ITGA8: variants seen among roughly 807,000 people sequenced by gnomAD.
ITGA8 encodes integrin subunit alpha 8, also known as integrin alpha-8.
Under a neutral mutation model 142.3 loss-of-function variants are expected in ITGA8, and 91 were observed. That is an observed-to-expected ratio of 0.64 (90% CI 0.54 to 0.76). The LOEUF (loss-of-function observed/expected upper bound fraction) is 0.76, where lower values mean the gene tolerates loss of function less well. Among genes scored for constraint, ITGA8 ranks in the 30% least tolerant of loss-of-function variants. The pLI is 0.00. For synonymous variants in ITGA8, 505 were observed against 485.2 expected (o/e 1.04, Z -0.54); for missense variants, 1,406 against 1,327.7 (o/e 1.06, Z -0.92).
At chr10:15,651,182 C>A (rs990727143) in intron 11 of ITGA8, among the ~76,000 whole-genome samples, 1 of 151,816 alleles carries the variant, frequency 6.6e-6, no homozygotes, top group Non-Finnish European at 1.5e-5. Flanking sequence ...TACTATAACA[C>A]TCAAAAGCCG....
intron 25 of ITGA8, among the ~76,000 whole-genome samples, chr10:15,559,130 T>C (rs1167802799): frequency 6.6e-6 from 1 of 152,206 alleles, no homozygotes; most frequent in East Asian, 1.9e-4. Flanking sequence ...CAGTATGTCA[T>C]GAAAACCTGG....
At chr10:15,517,390 T>C in intron 29 of ITGA8, 146 bp from the exon 30 acceptor site, 2 of 488,608 alleles carry the variant, frequency 4.1e-6, no homozygotes, top group Admixed American at 3.6e-5. Flanking sequence ...AGTGGCGTGA[T>C]CTTGGCTCAC....
chr10:15,584,134 T>TA (rs1272528599), intron 23 of ITGA8, among the ~76,000 whole-genome samples: 1 of 151,886 alleles, frequency 6.6e-6, no homozygotes, highest in Non-Finnish European at 1.5e-5. Flanking sequence ...CCTTCTCTAT[T>TA]AAAAATACAA....
At chr10:15,719,074 C>T (rs1835508444) in intron 1 of ITGA8, among the ~76,000 whole-genome samples, 175 bp from the exon 2 acceptor site, 2 of 152,124 alleles carry the variant, frequency 1.3e-5, no homozygotes, top group African/African-American at 4.8e-5. Context: ...GGGTCCGCAA[C>T]CTGGTTTGCA....
intron 13 of ITGA8, among the ~76,000 whole-genome samples, chr10:15,634,077 C>T (rs935356478): frequency 6.6e-6 from 1 of 152,168 alleles, no homozygotes; most frequent in Admixed American, 6.5e-5. Context: ...CTCCCTACAA[C>T]CACTCACAGT....
intron 2 of ITGA8, among the ~76,000 whole-genome samples, chr10:15,689,469 G>A (rs1159281573): frequency 6.6e-6 from 1 of 152,168 alleles, no homozygotes; most frequent in African/African-American, 2.4e-5. Context: ...ATGAGCAGGA[G>A]GCCTCCTGAG....
chr10:15,685,779 C>A (rs1457653428), intron 3 of ITGA8, among the ~76,000 whole-genome samples: 2 of 151,996 alleles, frequency 1.3e-5, no homozygotes, highest in African/African-American at 4.8e-5. Context: ...ACATTATCGG[C>A]AAAAATAAAT....
rs1033490184 is a variant in ITGA8 at position 15,666,731 on chromosome 10, G to A, written c.847+4872C>T. Among the ~76,000 whole-genome samples, 57 of 152,186 alleles carry A rather than the reference G, an allele frequency of 3.7e-4. 1 individual carries two copies. The highest frequency in any genetic ancestry group is 3.1e-4 in the Non-Finnish European group (21 of 68,006). On this transcript the variant is annotated intron_variant, in intron 8 of 29. Transcript: ENST00000378076. ...TTATTGAGAGTTTTTAGCATGAAGC[G>A]TTGTTGAATTTTGTCAAAGGCCTTT...
intron 23 of ITGA8, 94 bp from the exon 24 acceptor site, chr10:15,575,688 G>T: frequency 1.0e-6 from 1 of 990,796 alleles, no homozygotes; most frequent in Non-Finnish European, 1.6e-6. Flanking sequence ...AGAAGAAAGT[G>T]GTTTTCAATT....
At position 15,719,622 on chromosome 10, in the gene ITGA8, G is replaced by A. The variant is rs778560646; in HGVS notation, c.150C>T (p.Ser50=). The change falls in exon 1 of 30, where the codon AGC becomes AGT. Residue 50 remains serine (S), a synonymous_variant. Coordinates refer to ENST00000378076, the MANE Select transcript of ITGA8 (RefSeq NM_003638.3). ...AGCCGAAGTAGCTGCCCTTGGGGCC[G>A]CTGTACACTGTGAGCTTTTCCACGT... The part of the protein sequence containing the change: ...NLDVEKLTVY[S]GPKGSYFGYA... 3 of 1,551,826 alleles carry A rather than the reference G, an allele frequency of 1.9e-6. No individual in the cohort carries two copies. The highest frequency in any genetic ancestry group is 2.4e-5 in the South Asian group (2 of 82,674).
chr10:15,532,930 T>C (rs1386695228), intron 27 of ITGA8, among the ~76,000 whole-genome samples: 1 of 152,236 alleles, frequency 6.6e-6, no homozygotes, highest in Non-Finnish European at 1.5e-5. Flanking sequence ...ACTGTATCTG[T>C]AAGAGGAAAC....
intron 25 of ITGA8, among the ~76,000 whole-genome samples, chr10:15,563,995 G>T (rs571429030): frequency 6.6e-6 from 1 of 152,106 alleles, no homozygotes; most frequent in East Asian, 1.9e-4. Flanking sequence ...GATGTATCTT[G>T]TGTACAAATA....
At chr10:15,705,812 T>C (rs1312974138) in intron 2 of ITGA8, among the ~76,000 whole-genome samples, 1 of 152,220 alleles carries the variant, frequency 6.6e-6, no homozygotes, top group East Asian at 1.9e-4. Flanking sequence ...AGACTTTCTT[T>C]ATTGGCTTCA....
chr10:15,671,787 A>G (rs750775581), intron 7 of ITGA8, 140 bp from the exon 8 acceptor site: 37 of 626,834 alleles, frequency 5.9e-5, no homozygotes, highest in Admixed American at 1.8e-4. Flanking sequence ...TAAAGATTCT[A>G]TAAAGGGAAA....
chr10:15,659,059 A>G lies in ITGA8; in HGVS notation c.892-4T>C. 1 of 1,601,466 alleles carries G rather than the reference A, an allele frequency of 6.2e-7. No individual in the cohort carries two copies. On this transcript the variant is annotated splice_region_variant and splice_polypyrimidine_tract_variant and intron_variant, in intron 9 of 29. Coordinates refer to ENST00000378076, the MANE Select transcript of ITGA8 (RefSeq NM_003638.3). ...CCGTAGAGTTAATGATGGAAACCTG[A>G]AATCACAGAAATTAAACAGGTTACA...
chr10:15,628,330 T>G (rs1363357429), intron 13 of ITGA8, among the ~76,000 whole-genome samples: 1 of 118,058 alleles, frequency 8.5e-6, no homozygotes, highest in South Asian at 3.4e-4. Flanking sequence ...TTTGGTTTTT[T>G]TTTTTTTTTT....
intron 27 of ITGA8, among the ~76,000 whole-genome samples, chr10:15,532,989 G>A (rs374578554): frequency 2.0e-5 from 3 of 152,110 alleles, no homozygotes; most frequent in African/African-American, 4.8e-5. Context: ...TCTGTATTCC[G>A]TGACGATCAT....
chr10:15,707,165 T>A (rs1373706469), intron 2 of ITGA8, among the ~76,000 whole-genome samples: 2 of 152,178 alleles, frequency 1.3e-5, no homozygotes, highest in Non-Finnish European at 2.9e-5. Flanking sequence ...CTGACTATAT[T>A]AGGCTACGTG....
chr10:15,601,965 A>G (rs1341564662), intron 20 of ITGA8, among the ~76,000 whole-genome samples: 2 of 152,264 alleles, frequency 1.3e-5, no homozygotes, highest in Non-Finnish European at 2.9e-5. Context: ...GGAAATTGAC[A>G]GAGAAAAAAG....
Sources: gnomAD v4.1 joint callset for allele counts (sites outside exome capture counted in the v4.1 genomes callset) on GRCh38, gnomAD v4.1.1 for gene constraint, MANE v1.5 for transcripts, NCBI Gene and HGNC (gene_info 2026-07-23, HGNC 2026-07-21) for gene names.